The following MPHOSPH9 variants were observed in gnomAD, a reference collection of about 807,000 sequenced individuals.
The protein encoded by MPHOSPH9 is M-phase phosphoprotein 9.
MPHOSPH9 carries 88 observed loss-of-function variants against 145.5 expected under a neutral mutation model. That is an observed-to-expected ratio of 0.60 (90% CI 0.51 to 0.72). MPHOSPH9 has a LOEUF of 0.72. Among genes scored for constraint, MPHOSPH9 ranks in the 30% least tolerant of loss-of-function variants. The pLI is 0.00. For synonymous variants in MPHOSPH9, 435 were observed against 486.2 expected (o/e 0.89, Z 1.39); for missense variants, 1,238 against 1,386.6 (o/e 0.89, Z 1.70).
At chr12:123,166,859 A>ACAAT in intron 16 of MPHOSPH9, 70 bp from the exon 17 acceptor site, 1 of 1,493,062 alleles carries the variant, frequency 6.7e-7, no homozygotes, top group Non-Finnish European at 9.1e-7. Context: ...TGCATATAAA[A>ACAAT]CAATCTGCTC....
At chr12:123,194,354 A>G (rs776061465) in intron 13 of MPHOSPH9, 32 bp downstream of exon 13, 7 of 1,330,098 alleles carry the variant, frequency 5.3e-6, no homozygotes. Context: ...TTAGCCAATC[A>G]CGTCATTAAG....
intron 6 of MPHOSPH9, among the ~76,000 whole-genome samples, chr12:123,216,298 G>A (rs2046957380): frequency 6.6e-6 from 1 of 152,060 alleles, no homozygotes; most frequent in African/African-American, 2.4e-5. Flanking sequence ...GGTGATATCA[G>A]GAAGCCTAAA....
Position 123,155,268 on chromosome 12 carries a change from A to T in MPHOSPH9, c.*1539T>A, listed in dbSNP as rs1421531209. On this transcript the variant is annotated 3_prime_UTR_variant, in exon 24 of 24. Coordinates refer to ENST00000606320, the MANE Select transcript of MPHOSPH9 (RefSeq NM_022782.4). ...AGAATAAAGGCACTTGATTCTAATTATAAGTAATTTTGATTAGCCTGAAGT... is the reference window on the plus strand; with the variant it reads ...AGAATAAAGGCACTTGATTCTAATTTTAAGTAATTTTGATTAGCCTGAAGT... 6.6e-6 allele frequency: 1 copy of T among 152,222 alleles called. No individual in the cohort carries two copies. Among genetic ancestry groups the T allele is most frequent in the Non-Finnish European group, 1.5e-5 (1 of 68,044 alleles). 9.4% of individuals were successfully genotyped at this position (152,222 alleles called of 1,614,324 possible).
At chr12:123,242,113 A>G (rs1216787749) in intron 1 of MPHOSPH9, among the ~76,000 whole-genome samples, 1 of 152,222 alleles carries the variant, frequency 6.6e-6, no homozygotes. Context: ...GCACAAATTA[A>G]TGTTCCCTTT....
At chr12:123,197,736 C>T (rs556366570) in intron 12 of MPHOSPH9, among the ~76,000 whole-genome samples, 12 of 147,676 alleles carry the variant, frequency 8.1e-5, no homozygotes, top group African/African-American at 2.8e-4. Flanking sequence ...GAGCTGAGAT[C>T]GCGCAACTGC....
chr12:123,228,050 G>A (rs569315885), intron 2 of MPHOSPH9, among the ~76,000 whole-genome samples: 4 of 151,996 alleles, frequency 2.6e-5, no homozygotes, highest in Non-Finnish European at 5.9e-5. Context: ...CCTTAATTTG[G>A]TACGATAAGC....
At chr12:123,228,230 A>G (rs1336310898) in intron 2 of MPHOSPH9, among the ~76,000 whole-genome samples, 2 of 152,362 alleles carry the variant, frequency 1.3e-5, no homozygotes, top group East Asian at 1.9e-4. Flanking sequence ...TTATAAACAC[A>G]CAATATATTT....
intron 17 of MPHOSPH9, 57 bp from the exon 18 acceptor site, chr12:123,165,534 C>T (rs959656972): frequency 8.7e-5 from 127 of 1,461,770 alleles, no homozygotes; most frequent in Non-Finnish European, 1.1e-4. Flanking sequence ...GTATCTTGCC[C>T]CCCGCCCCCA....
At chr12:123,210,606 C>T (rs972408449) in intron 7 of MPHOSPH9, among the ~76,000 whole-genome samples, 2 of 151,830 alleles carry the variant, frequency 1.3e-5, no homozygotes, top group African/African-American at 2.4e-5. Flanking sequence ...GCATGAGAAT[C>T]GCTTGAACCC....
chr12:123,204,231 G>A (rs2046330142), intron 8 of MPHOSPH9, among the ~76,000 whole-genome samples: 1 of 151,874 alleles, frequency 6.6e-6, no homozygotes, highest in Non-Finnish European at 1.5e-5. Context: ...GAACCTGGAA[G>A]GCGGAGGTTG....
intron 13 of MPHOSPH9, among the ~76,000 whole-genome samples, chr12:123,191,209 TAC>T (rs2045662701): frequency 6.6e-6 from 1 of 152,026 alleles, no homozygotes; most frequent in African/African-American, 2.4e-5. Flanking sequence ...AAATCCCAGC[TAC>T]TCAAGAGGCT....
At chr12:123,182,263 T>TTTCTTTTTTTTTTTC (rs1555220955) in intron 13 of MPHOSPH9, among the ~76,000 whole-genome samples, 1 of 81,722 alleles carries the variant, frequency 1.2e-5, no homozygotes. Context: ...TTTTTTTTGT[T>TTTCTTTTTTTTTTTC]TTTTTTTTTT....
rs1299507388 is a variant in MPHOSPH9 at position 123,191,120 on chromosome 12, G to A, written c.2241+3266C>T. Among the ~76,000 whole-genome samples, 3 of 152,100 alleles carry A rather than the reference G, an allele frequency of 2.0e-5. No individual in the cohort carries two copies. The East Asian group carries it at 5.8e-4, about 30-fold the overall frequency. On this transcript the variant is annotated intron_variant, in intron 13 of 23. Coordinates refer to ENST00000606320, the MANE Select transcript of MPHOSPH9 (RefSeq NM_022782.4). ...GTGGATCACTTGAGGTCGGGAGTTC[G>A]AGACCAGCCTGACCAACATGGAGAA...
intron 18 of MPHOSPH9, among the ~76,000 whole-genome samples, chr12:123,164,534 A>G (rs1196054884): frequency 3.9e-5 from 6 of 152,262 alleles, no homozygotes; most frequent in Non-Finnish European, 8.8e-5. Context: ...GAAAAAACAC[A>G]GTATTAAAGA....
intron 1 of MPHOSPH9, among the ~76,000 whole-genome samples, 159 bp from the exon 2 acceptor site, chr12:123,230,681 T>C (rs749433357): frequency 6.6e-6 from 1 of 152,144 alleles, no homozygotes; most frequent in Non-Finnish European, 1.5e-5. Context: ...CACCCAAATG[T>C]CCATCAATGG....
intron 3 of MPHOSPH9, among the ~76,000 whole-genome samples, 187 bp from the exon 4 acceptor site, chr12:123,223,314 G>A (rs2047295310): frequency 6.6e-6 from 1 of 151,972 alleles, no homozygotes; most frequent in South Asian, 2.1e-4. Flanking sequence ...TCTACAGAAG[G>A]CTACGTTCAG....
chr12:123,183,175 A>G (rs754879433), intron 13 of MPHOSPH9, among the ~76,000 whole-genome samples: 2 of 152,128 alleles, frequency 1.3e-5, no homozygotes, highest in East Asian at 1.9e-4. Context: ...TAAACTAACA[A>G]TGAAGAAATT....
At position 123,230,338 on chromosome 12, in the gene MPHOSPH9, G is replaced by A. The variant is rs1226618261; in HGVS notation, c.27C>T (p.Thr9=). 3 of 1,532,878 alleles carry A rather than the reference G, an allele frequency of 2.0e-6. No individual in the cohort carries two copies. The East Asian group carries it at 7.4e-5, about 38-fold the overall frequency. 95.0% of individuals were successfully genotyped at this position (1,532,878 alleles called of 1,614,324 possible). A position where few individuals can be genotyped will look rare whatever the true frequency, so the allele number is the denominator to read the frequency against. The change falls in exon 2 of 24, where the codon ACC becomes ACT. Residue 9 remains threonine (T), a synonymous_variant. Coordinates refer to ENST00000606320, the MANE Select transcript of MPHOSPH9 (RefSeq NM_022782.4). Reference sequence around the variant, plus strand: ...CTACAGAAGATGAAGTTTTGTGTAAGGTTTTCACCAAGTCAAACTCTTCCA... The same window carrying A: ...CTACAGAAGATGAAGTTTTGTGTAAAGTTTTCACCAAGTCAAACTCTTCCA... The part of the protein sequence containing the change: MEEFDLVK[T]LHKTSSSVGS...
At chr12:123,173,041 T>A (rs1019032859) in intron 16 of MPHOSPH9, among the ~76,000 whole-genome samples, 27 of 151,314 alleles carry the variant, frequency 1.8e-4, no homozygotes, top group African/African-American at 6.3e-4. Flanking sequence ...ATGCCTGGCT[T>A]ATTTTTGTAT....
Sources: gnomAD v4.1 joint callset for allele counts (sites outside exome capture counted in the v4.1 genomes callset) on GRCh38, gnomAD v4.1.1 for gene constraint, MANE v1.5 for transcripts, NCBI Gene and HGNC (gene_info 2026-07-23, HGNC 2026-07-21) for gene names.